BCL2L13: variants seen among roughly 807,000 people sequenced by gnomAD.
BCL2L13 encodes BCL2 like 13.
In BCL2L13, 13 loss-of-function variants were observed where a neutral mutation model predicts 25.8. The observed-to-expected ratio is 0.50, with a 90% confidence interval of 0.33 to 0.80. BCL2L13 has a LOEUF of 0.80. BCL2L13 is among the 30% of genes least tolerant of loss of function. The pLI is 0.02. For missense variants in BCL2L13, 504 were observed against 574.9 expected, an observed-to-expected ratio of 0.88 and a Z score of 1.26; for synonymous variants, 244 against 230.3, an observed-to-expected ratio of 1.06 and a Z score of -0.54.
chr22:17,653,132 C>G (rs192392008), intron 1 of BCL2L13, among the ~76,000 whole-genome samples: 2 of 152,098 alleles, frequency 1.3e-5, no homozygotes, highest in Non-Finnish European at 2.9e-5. Context: ...AATGCATATT[C>G]TGTTTGCACT....
In BCL2L13 at chr22:17,646,564, A is replaced by G. The variant is rs948734349; in HGVS notation, c.-51+7678A>G. ...GCGCCTGGCCAAGATAGCAATTTTT[A>G]TAGTTAAGATCATCTATGTATTTAC... On this transcript the variant is annotated intron_variant, in intron 1 of 6. Coordinates refer to ENST00000317582, the MANE Select transcript of BCL2L13 (RefSeq NM_015367.4). Among the ~76,000 whole-genome samples the G allele has an allele frequency of 8.0e-5, 12 of 149,724 alleles. 1 individual carries two copies. The highest frequency in any genetic ancestry group is 3.0e-4 in the African/African-American group (12 of 39,366).
chr22:17,724,890 GCATACACCTGT>G (rs774980037), intron 6 of BCL2L13, among the ~76,000 whole-genome samples: 16 of 152,120 alleles, frequency 1.1e-4, no homozygotes, highest in Non-Finnish European at 1.5e-4. Flanking sequence ...AGCCCCTTGT[GCATACACCTGT>G]CATAAAGCTT....
At position 17,681,408 on chromosome 22, in the gene BCL2L13, A is replaced by T. The variant is rs185905962; in HGVS notation, c.122-1806A>T. Among the ~76,000 whole-genome samples, 79 of 151,906 alleles carry T rather than the reference A, an allele frequency of 5.2e-4. 2 individuals are homozygous for T. Among genetic ancestry groups the T allele is most frequent in the African/African-American group, 1.8e-3 (74 of 41,408 alleles). ...GTAGTCCCAGCTACTTGGGAGCAGG[A>T]GAATGGCGTGAACCTGGGAGGCGGA... On this transcript the variant is annotated intron_variant, in intron 2 of 6. Coordinates refer to ENST00000317582, the MANE Select transcript of BCL2L13 (RefSeq NM_015367.4).
At chr22:17,660,017 A>G (rs1380636933) in intron 2 of BCL2L13, among the ~76,000 whole-genome samples, 1 of 145,448 alleles carries the variant, frequency 6.9e-6, no homozygotes, top group Non-Finnish European at 1.6e-5. Context: ...CACTGCGCCG[A>G]GCTCATTTTT....
intron 1 of BCL2L13, among the ~76,000 whole-genome samples, chr22:17,630,035 A>C (rs181906316): frequency 7.3e-4 from 111 of 152,050 alleles, no homozygotes; most frequent in African/African-American, 2.5e-3. Context: ...CCTGACCAAC[A>C]TGGAGAAACC....
chr22:17,685,564 A>G (rs2059902135), intron 3 of BCL2L13, among the ~76,000 whole-genome samples: 1 of 151,982 alleles, frequency 6.6e-6, no homozygotes, highest in Admixed American at 6.6e-5. Context: ...ATGTTGTAGC[A>G]TGTATCAGTA....
rs190716613 is a variant in BCL2L13 at position 17,686,183 on chromosome 22, C to T, written c.230-2803C>T. On this transcript the variant is annotated intron_variant, in intron 3 of 6. Transcript: ENST00000317582. ...GTACAAATAATCCCGAGACCAGGTGCGGTGCCTGTAGTCCCAGCACTTTGG... is the reference window on the plus strand; with the variant it reads ...GTACAAATAATCCCGAGACCAGGTGTGGTGCCTGTAGTCCCAGCACTTTGG... 2.3e-4 allele frequency among the ~76,000 whole-genome samples: 35 copies of T among 151,936 alleles called. No individual in the cohort carries two copies. The East Asian group carries it at 6.1e-3, about 26-fold the overall frequency.
intron 6 of BCL2L13, among the ~76,000 whole-genome samples, chr22:17,724,260 G>C (rs1379377782): frequency 1.3e-5 from 2 of 152,152 alleles, no homozygotes; most frequent in African/African-American, 4.8e-5. Context: ...GTGACAGAGC[G>C]AGACCCCAAC....
At chr22:17,648,681 A>T (rs1156409797) in intron 1 of BCL2L13, among the ~76,000 whole-genome samples, 8 of 152,158 alleles carry the variant, frequency 5.3e-5, no homozygotes, top group African/African-American at 1.9e-4. Flanking sequence ...TTCACCAAAT[A>T]TATAGATATA....
intron 1 of BCL2L13, among the ~76,000 whole-genome samples, chr22:17,640,863 ATGTT>A (rs886365950): frequency 2.7e-5 from 4 of 147,234 alleles, no homozygotes; most frequent in African/African-American, 7.5e-5. Context: ...AAATATATAT[ATGTT>A]TGTTTATTAA....
At chr22:17,681,272 C>G (rs541538128) in intron 2 of BCL2L13, among the ~76,000 whole-genome samples, 1 of 151,846 alleles carries the variant, frequency 6.6e-6, no homozygotes, top group South Asian at 2.1e-4. Flanking sequence ...TTTGGGAGGC[C>G]GAGGCAGGTG....
At chr22:17,630,591 C>CTTTTT (rs568905142) in intron 1 of BCL2L13, among the ~76,000 whole-genome samples, 60 of 120,548 alleles carry the variant, frequency 5.0e-4, no homozygotes, top group Middle Eastern at 9.3e-3. Flanking sequence ...TTTTTCTTTT[C>CTTTTT]TTTTTTTTTT....
At chr22:17,711,936 G>T (rs984372316) in intron 6 of BCL2L13, among the ~76,000 whole-genome samples, 15 of 152,040 alleles carry the variant, frequency 9.9e-5, no homozygotes, top group African/African-American at 3.1e-4. Context: ...GTGACTCCAA[G>T]ATTAAGAATA....
rs3044578 is a variant in BCL2L13, at chr22:17,629,818, TACACACACAC to T, written c.-650+834_-650+843del. Among the ~76,000 whole-genome samples, 17 of 148,186 alleles carry T rather than the reference TACACACACAC, an allele frequency of 1.1e-4. No individual in the cohort carries two copies. The South Asian group carries it at 1.3e-3, about 11-fold the overall frequency. On this transcript the variant is annotated intron_variant, in intron 1 of 6. Transcript: ENST00000399782. ...CATGTACATTAACACTTTATTTTCA[TACACACACAC>T]ACACACACACACACACACACTTCCT...
intron 2 of BCL2L13, among the ~76,000 whole-genome samples, chr22:17,681,151 AT>A (rs1233039929): frequency 6.6e-6 from 1 of 152,164 alleles, no homozygotes; most frequent in Admixed American, 6.5e-5. Context: ...CATTAGCCAA[AT>A]GAAAGAGGAC....
chr22:17,725,678 G>T (rs1447124470), intron 6 of BCL2L13, among the ~76,000 whole-genome samples: 2 of 151,834 alleles, frequency 1.3e-5, no homozygotes, highest in African/African-American at 4.8e-5. Context: ...TTTCTCTGCT[G>T]TTTTGCATTA....
At chr22:17,676,199 C>T (rs1019836173) in intron 2 of BCL2L13, among the ~76,000 whole-genome samples, 3 of 152,136 alleles carry the variant, frequency 2.0e-5, no homozygotes, top group African/African-American at 7.2e-5. Flanking sequence ...CGGTGGCTCA[C>T]GCCTGTAATC....
In BCL2L13 at chr22:17,683,313, T is replaced by C. The variant is rs1310018630; in HGVS notation, c.221T>C (p.Ile74Thr). 1 of 1,525,620 alleles carries C rather than the reference T, an allele frequency of 6.6e-7. No homozygotes were observed. Among genetic ancestry groups the C allele is most frequent in the Admixed American group, 1.9e-5 (1 of 52,800 alleles). The allele number at this position is 1,525,620 out of a possible 1,614,324, so 94.5% of individuals were successfully genotyped here. A position where few individuals can be genotyped will look rare whatever the true frequency, so the allele number is the denominator to read the frequency against. Residue 74 changes from isoleucine to threonine, a missense_variant, in exon 3 of 7, where the codon ATT (isoleucine) becomes ACT (threonine). Transcript: ENST00000317582. The part of the protein sequence containing the change: ...EEELKSLDKE[I>T]SEAFTSTGFD... ...GAGCTAAAATCTCTGGACAAAGAAA[T>C]TTCTGAAGGTCTGTTTATTCTTATT...
At chr22:17,673,620 G>A (rs1343067850) in intron 2 of BCL2L13, among the ~76,000 whole-genome samples, 8 of 150,076 alleles carry the variant, frequency 5.3e-5, no homozygotes, top group Admixed American at 2.0e-4. Context: ...CTCGTGATCC[G>A]CCTGCCTCGG....
Sources: allele counts gnomAD v4.1 joint callset (sites outside exome capture counted in the v4.1 genomes callset), GRCh38; gene constraint gnomAD v4.1.1; transcripts MANE v1.5; gene names NCBI Gene and HGNC (gene_info 2026-07-23, HGNC 2026-07-21).